The following DPP6 variants were observed in gnomAD, a reference collection of about 807,000 sequenced individuals.
The protein encoded by DPP6 is dipeptidyl peptidase like 6, also known as A-type potassium channel modulatory protein DPP6.
A neutral mutation model predicts 122.6 loss-of-function variants in DPP6; 69 were observed. The observed-to-expected ratio is 0.56, with a 90% confidence interval of 0.46 to 0.69. The LOEUF (loss-of-function observed/expected upper bound fraction) is 0.69. Ranked by LOEUF, DPP6 falls within the 30% of genes least tolerant of loss-of-function variation. The pLI, the probability that DPP6 is intolerant of heterozygous loss-of-function variation, is 0.00. For synonymous variants in DPP6, 418 were observed against 433.1 expected (o/e 0.97, Z 0.43); for missense variants, 928 against 1,116.9 (o/e 0.83, Z 2.41).
In DPP6 at chr7:154,875,415, G is replaced by A. The variant is rs1042765137; in HGVS notation, c.1884-491G>A. ...GAGGGAGAAAGGCCACCCATATGGC[G>A]GGTTTGCTGTTACTTCCGACTTAAC... On this transcript the variant is annotated intron_variant, in intron 19 of 25. Transcript: ENST00000377770. This position sits in a 1 kb window ranked among gnomAD's most constrained non-coding sequence, Gnocchi z 4.5. Among the ~76,000 whole-genome samples the A allele has an allele frequency of 4.6e-5, 7 of 152,210 alleles. No homozygotes were observed. Among genetic ancestry groups the A allele is most frequent in the African/African-American group, 1.4e-4 (6 of 41,462 alleles).
chr7:154,036,308 G>T (rs1444777796), intron 1 of DPP6, among the ~76,000 whole-genome samples: 1 of 139,788 alleles, frequency 7.2e-6, no homozygotes, highest in African/African-American at 2.7e-5. Context: ...GGTTGGGGGC[G>T]GGGGGATTCA....
rs115675006 is a variant in DPP6 at position 154,203,566 on chromosome 7, A to G, written c.243+150503A>G. Among the ~76,000 whole-genome samples, 593 of 152,306 alleles carry G rather than the reference A, an allele frequency of 3.9e-3. 4 individuals are homozygous for G. The highest frequency in any genetic ancestry group is 0.014 in the African/African-American group (569 of 41,558). ...AAGACCACAGCAGAGATGAGGCATAATGAAGGACAGACACACCCAACTGAG... is the reference window on the plus strand; with the variant it reads ...AAGACCACAGCAGAGATGAGGCATAGTGAAGGACAGACACACCCAACTGAG... On this transcript the variant is annotated intron_variant, in intron 1 of 25. Coordinates refer to ENST00000377770, the MANE Select transcript of DPP6 (RefSeq NM_130797.4).
chr7:154,794,403 C>G (rs1030140090), intron 11 of DPP6, among the ~76,000 whole-genome samples: 1 of 152,224 alleles, frequency 6.6e-6, no homozygotes, highest in African/African-American at 2.4e-5. Flanking sequence ...TGCCGCAGAC[C>G]CGACCGAACC....
the DPP6 span, among the ~76,000 whole-genome samples, chr7:153,788,448 T>A: frequency 3.3e-5 from 5 of 152,212 alleles, no homozygotes. Flanking sequence ...CTCAAAAACT[T>A]ATCAGTTTCA....
chr7:154,628,796 TG>T (rs1835238473), intron 5 of DPP6, among the ~76,000 whole-genome samples: 1 of 152,098 alleles, frequency 6.6e-6, no homozygotes. Context: ...TGCTACATCG[TG>T]CAGGACCATG....
chr7:154,619,389 A>G (rs762956452), intron 5 of DPP6, among the ~76,000 whole-genome samples: 4 of 152,216 alleles, frequency 2.6e-5, no homozygotes, highest in Admixed American at 6.5e-5. Flanking sequence ...TGGATGAGCT[A>G]CTTATATCTT....
At chr7:154,781,748 C>T (rs946643952) in intron 10 of DPP6, among the ~76,000 whole-genome samples, 2 of 151,914 alleles carry the variant, frequency 1.3e-5, no homozygotes, top group African/African-American at 2.4e-5. Context: ...ATGGGATAAA[C>T]ATTGCTAAAA....
At chr7:153,810,942 A>G in the DPP6 span, among the ~76,000 whole-genome samples, 1 of 152,140 alleles carries the variant, frequency 6.6e-6, no homozygotes, top group East Asian at 1.9e-4. Context: ...GAACTGTTCT[A>G]TTAGTGCATA....
chr7:154,831,040 C>A (rs1215981997), intron 16 of DPP6, among the ~76,000 whole-genome samples: 1 of 152,236 alleles, frequency 6.6e-6, no homozygotes, highest in Non-Finnish European at 1.5e-5. Flanking sequence ...GCCCAGGTGA[C>A]CGTGTCATCC....
At chr7:154,267,894 A>G (rs111439616) in intron 1 of DPP6, among the ~76,000 whole-genome samples, 74 of 140,888 alleles carry the variant, frequency 5.3e-4, no homozygotes, top group African/African-American at 1.2e-3. Flanking sequence ...TTATAAACAC[A>G]TATACACACG....
chr7:154,464,779 T>C (rs902129757), intron 2 of DPP6, among the ~76,000 whole-genome samples: 2 of 152,220 alleles, frequency 1.3e-5, no homozygotes, highest in South Asian at 2.1e-4. Context: ...AAATAAACTG[T>C]CCTTGTTACA....
At chr7:154,379,683 C>A (rs1293045784) in intron 1 of DPP6, among the ~76,000 whole-genome samples, 1 of 152,112 alleles carries the variant, frequency 6.6e-6, no homozygotes, top group Non-Finnish European at 1.5e-5. Context: ...TTAGTGAATG[C>A]TAAAAATTAT....
intron 8 of DPP6, among the ~76,000 whole-genome samples, chr7:154,730,308 G>T (rs1280449813): frequency 6.6e-6 from 1 of 152,086 alleles, no homozygotes; most frequent in Non-Finnish European, 1.5e-5. Context: ...CTGTGGAGCT[G>T]CAGGGACCCA....
In DPP6 at chr7:154,610,707, CTGTGTGTGTGTGTGTGTG is replaced by C. The variant is rs10525265; in HGVS notation, c.628-27093_628-27076del. Among the ~76,000 whole-genome samples, 269 of 122,076 alleles carry C rather than the reference CTGTGTGTGTGTGTGTGTG, an allele frequency of 2.2e-3. 2 individuals are homozygous for C. The highest frequency in any genetic ancestry group is 4.3e-3 in the South Asian group (14 of 3,268). The allele number at this position is 122,076 out of a possible 152,430, so 80.1% of individuals were successfully genotyped here. A position where few individuals can be genotyped will look rare whatever the true frequency, so the allele number is the denominator to read the frequency against. ...TTATTATTTGTGTCTGTGTTGTTCT[CTGTGTGTGTGTGTGTGTG>C]TGTGTGTGTGTGTGTGTGTGATTGT... On this transcript the variant is annotated intron_variant, in intron 5 of 25. Coordinates refer to ENST00000377770, the MANE Select transcript of DPP6 (RefSeq NM_130797.4).
chr7:154,463,334 T>C (rs531668306), intron 2 of DPP6, among the ~76,000 whole-genome samples: 168 of 150,822 alleles, frequency 1.1e-3, no homozygotes, highest in African/African-American at 4.0e-3. Flanking sequence ...CAGCCTCCCG[T>C]GTAGCTGGGA....
intron 7 of DPP6, among the ~76,000 whole-genome samples, chr7:154,673,831 G>A (rs1190842902): frequency 6.6e-6 from 1 of 151,478 alleles, no homozygotes; most frequent in African/African-American, 2.4e-5. Context: ...TCCTCATTGT[G>A]TCCTCTTCAG....
At chr7:154,339,772 G>A (rs1398234158) in intron 1 of DPP6, among the ~76,000 whole-genome samples, 1 of 152,116 alleles carries the variant, frequency 6.6e-6, no homozygotes, top group Admixed American at 6.5e-5. Flanking sequence ...GCTGTTATGT[G>A]AGCAGTAGTT....
At chr7:154,150,314 C>A (rs372660244) in intron 1 of DPP6, among the ~76,000 whole-genome samples, 2 of 152,160 alleles carry the variant, frequency 1.3e-5, no homozygotes, top group Non-Finnish European at 2.9e-5. Flanking sequence ...CCTTGACTTA[C>A]AGAGGAAGCC....
At chr7:154,366,714 G>T (rs1812222182) in intron 1 of DPP6, among the ~76,000 whole-genome samples, 1 of 152,184 alleles carries the variant, frequency 6.6e-6, no homozygotes. Flanking sequence ...TGAGATGGAA[G>T]AATTGGGTGA....
Sources: allele counts gnomAD v4.1 joint callset (sites outside exome capture counted in the v4.1 genomes callset), GRCh38; gene constraint gnomAD v4.1.1; non-coding constraint Gnocchi (gnomAD v3.1); transcripts MANE v1.5; gene names NCBI Gene and HGNC (gene_info 2026-07-23, HGNC 2026-07-21).